Variants in HS3ST3A1 observed in about 807,000 individuals in gnomAD.
HS3ST3A1 encodes the protein heparan sulfate glucosamine 3-O-sulfotransferase 3A1.
In HS3ST3A1, 19 loss-of-function variants were observed where a neutral mutation model predicts 25.7. The ratio of observed to expected loss-of-function variants is 0.74; its 90% CI spans 0.52 to 1.08. The LOEUF (loss-of-function observed/expected upper bound fraction) is 1.08, where lower values mean the gene tolerates loss of function less well. HS3ST3A1 is among the 50% of genes least tolerant of loss of function. The pLI is 0.00. For synonymous variants in HS3ST3A1, 226 were observed against 278.6 expected, an observed-to-expected ratio of 0.81 and a Z score of 1.88; for missense variants, 459 against 594.3, an observed-to-expected ratio of 0.77 and a Z score of 2.37.
In HS3ST3A1 at chr17:13,600,767, T is replaced by C; in HGVS notation, c.363A>G (p.Ser121=). ...AAWEEESPGL[S]GGPGGSGAGS... ...CGGCCCCGGAGCCGCCCGGACCCCC[T>C]GACAGGCCAGGGGACTCTTCTTCCC... is the stretch of plus-strand genomic sequence containing the variant. The change falls in exon 1 of 2, where the codon TCA becomes TCG. Residue 121 remains serine (S), a synonymous_variant. Transcript: ENST00000284110. 3.3e-6 allele frequency: 5 copies of C among 1,505,240 alleles called. No homozygotes were observed. In the South Asian group the frequency reaches 5.0e-5, roughly 15 times the overall value. 93.2% of individuals were successfully genotyped at this position (1,505,240 alleles called of 1,614,324 possible). A position where few individuals can be genotyped will look rare whatever the true frequency, so the allele number is the denominator to read the frequency against.
chr17:13,503,182 AAAAAAAAAAG>A (rs1905542154), intron 1 of HS3ST3A1, among the ~76,000 whole-genome samples: 2 of 151,482 alleles, frequency 1.3e-5, no homozygotes, highest in Non-Finnish European at 1.5e-5. Context: ...TCAAAAAAAA[AAAAAAAAAAG>A]AAAAAAAAAG....
At position 13,601,479 on chromosome 17, in the gene HS3ST3A1, T is replaced by C. The variant is rs1051350224; in HGVS notation, c.-350A>G. The C allele has an allele frequency of 8.7e-6, 2 of 230,916 alleles. No individual in the cohort carries two copies. The highest frequency in any genetic ancestry group is 1.7e-5 in the Non-Finnish European group (2 of 120,416). 14.3% of individuals were successfully genotyped at this position (230,916 alleles called of 1,614,324 possible). A position where few individuals can be genotyped will look rare whatever the true frequency, so the allele number is the denominator to read the frequency against. Reference sequence around the variant, plus strand: ...CGGAATCGGGGTCTTGGCAGCGGTGTCGAAGGCGTGCGTCTCAGCCCCGGC... The same window carrying C: ...CGGAATCGGGGTCTTGGCAGCGGTGCCGAAGGCGTGCGTCTCAGCCCCGGC... On this transcript the variant is annotated 5_prime_UTR_variant, in exon 1 of 2. Coordinates refer to ENST00000284110, the MANE Select transcript of HS3ST3A1 (RefSeq NM_006042.3).
At chr17:13,506,053 T>C (rs1309801732) in intron 1 of HS3ST3A1, among the ~76,000 whole-genome samples, 2 of 150,532 alleles carry the variant, frequency 1.3e-5, no homozygotes, top group African/African-American at 4.9e-5. Flanking sequence ...AAAATTGGAT[T>C]TCTGTTTCAG....
intron 1 of HS3ST3A1, among the ~76,000 whole-genome samples, chr17:13,585,857 TTTTTTTTTTTC>T (rs1908248367): frequency 7.1e-6 from 1 of 141,532 alleles, no homozygotes; most frequent in Non-Finnish European, 1.5e-5. Flanking sequence ...TTTTTTTTTT[TTTTTTTTTTTC>T]TGACAGAGTC....
intron 1 of HS3ST3A1, among the ~76,000 whole-genome samples, chr17:13,552,520 G>T (rs978886167): frequency 2.6e-5 from 4 of 152,184 alleles, no homozygotes; most frequent in African/African-American, 9.7e-5. Context: ...AACGTCAAAG[G>T]GGGATTCAGA....
At chr17:13,564,340 T>G (rs1766500479) in intron 1 of HS3ST3A1, among the ~76,000 whole-genome samples, 2 of 152,186 alleles carry the variant, frequency 1.3e-5, no homozygotes, top group South Asian at 4.1e-4. Flanking sequence ...CTGAGACTCC[T>G]TTAGTATTTG....
chr17:13,549,845 C>T (rs183961320), intron 1 of HS3ST3A1, among the ~76,000 whole-genome samples: 3 of 152,308 alleles, frequency 2.0e-5, no homozygotes, highest in Admixed American at 6.5e-5. Flanking sequence ...GTTGCCAATT[C>T]TCATAACTGA....
At chr17:13,546,575 C>T (rs12150034) in intron 1 of HS3ST3A1, among the ~76,000 whole-genome samples, 27,040 of 152,186 alleles carry the variant, frequency 0.18, 2,437 homozygotes, top group Admixed American at 0.19. Flanking sequence ...CCATATTACG[C>T]TTCTTAATTG....
intron 1 of HS3ST3A1, among the ~76,000 whole-genome samples, chr17:13,568,739 G>T (rs903233742): frequency 1.3e-5 from 2 of 152,044 alleles, no homozygotes; most frequent in African/African-American, 2.4e-5. Flanking sequence ...AATTGTGGTC[G>T]TTCATTCTGG....
intron 1 of HS3ST3A1, among the ~76,000 whole-genome samples, chr17:13,561,772 G>T (rs1253382786): frequency 6.6e-6 from 1 of 152,112 alleles, no homozygotes; most frequent in African/African-American, 2.4e-5. Flanking sequence ...TCCAGCAGGA[G>T]ATGGACGCCA....
chr17:13,501,136 A>C (rs1328892293), intron 1 of HS3ST3A1, among the ~76,000 whole-genome samples: 1 of 152,194 alleles, frequency 6.6e-6, no homozygotes, highest in Non-Finnish European at 1.5e-5. Context: ...ATTGTTCAGT[A>C]GGTATGAAGT....
intron 1 of HS3ST3A1, among the ~76,000 whole-genome samples, chr17:13,545,748 G>A (rs143691466): frequency 1.2e-4 from 19 of 152,148 alleles, no homozygotes; most frequent in Non-Finnish European, 2.4e-4. Flanking sequence ...GGGCCGAGGC[G>A]CATGGATCAC....
chr17:13,501,962 T>C (rs1175481445), intron 1 of HS3ST3A1, among the ~76,000 whole-genome samples: 2 of 152,282 alleles, frequency 1.3e-5, no homozygotes, highest in East Asian at 3.9e-4. Context: ...CTTATTATGG[T>C]GTGAGAGAGA....
chr17:13,586,981 TATA>T (rs992912624), intron 1 of HS3ST3A1, among the ~76,000 whole-genome samples: 4 of 148,778 alleles, frequency 2.7e-5, no homozygotes, highest in Non-Finnish European at 1.5e-5. Flanking sequence ...ATATTGAAAA[TATA>T]ATATTTTAGA....
chr17:13,556,720 C>T (rs1907386754), intron 1 of HS3ST3A1, among the ~76,000 whole-genome samples: 1 of 151,550 alleles, frequency 6.6e-6, no homozygotes, highest in African/African-American at 2.4e-5. Context: ...GGCGTGGTGA[C>T]AGGCACCTGT....
intron 1 of HS3ST3A1, among the ~76,000 whole-genome samples, chr17:13,572,023 T>G (rs921089775): frequency 6.6e-6 from 1 of 152,184 alleles, no homozygotes; most frequent in Non-Finnish European, 1.5e-5. Context: ...CCTCTCAAAG[T>G]GCTGGGATTA....
chr17:13,553,387 G>T (rs1041705631), intron 1 of HS3ST3A1, among the ~76,000 whole-genome samples: 1 of 152,124 alleles, frequency 6.6e-6, no homozygotes, highest in Non-Finnish European at 1.5e-5. Context: ...ATTCACCAAT[G>T]GTTTAAGCCA....
At position 13,530,489 on chromosome 17, in the gene HS3ST3A1, G is replaced by A. The variant is rs188640816; in HGVS notation, c.600-33671C>T. On this transcript the variant is annotated intron_variant, in intron 1 of 1. Coordinates refer to ENST00000284110, the MANE Select transcript of HS3ST3A1 (RefSeq NM_006042.3). Reference sequence around the variant, plus strand: ...AGTTAGCCAGATGATAAGGAGGTGTGGAGAGACTTGAACCCAAGACAGGCA... The same window carrying A: ...AGTTAGCCAGATGATAAGGAGGTGTAGAGAGACTTGAACCCAAGACAGGCA... Among the ~76,000 whole-genome samples the A allele has an allele frequency of 3.3e-5, 5 of 152,276 alleles. No homozygotes were observed. In the East Asian group the frequency reaches 9.7e-4, roughly 29 times the overall value.
At chr17:13,513,183 G>A (rs1226193933) in intron 1 of HS3ST3A1, among the ~76,000 whole-genome samples, 3 of 152,200 alleles carry the variant, frequency 2.0e-5, no homozygotes, top group Non-Finnish European at 2.9e-5. Context: ...TTCCAAAAAA[G>A]CCTGGGGCTG....
Sources: allele counts gnomAD v4.1 joint callset (sites outside exome capture counted in the v4.1 genomes callset), GRCh38; gene constraint gnomAD v4.1.1; transcripts MANE v1.5; gene names NCBI Gene and HGNC (gene_info 2026-07-23, HGNC 2026-07-21).